Variants in NFATC3 observed in about 807,000 individuals in gnomAD.
NFATC3 encodes nuclear factor of activated T-cells, cytoplasmic 3.
In NFATC3, 46 loss-of-function variants were observed where a neutral mutation model predicts 98.6. That is an observed-to-expected ratio of 0.47 (90% CI 0.37 to 0.60). The LOEUF (loss-of-function observed/expected upper bound fraction) is 0.60. NFATC3 is among the 20% of genes least tolerant of loss of function. The pLI is 0.00. For missense variants in NFATC3, 1,256 were observed against 1,295.5 expected (o/e 0.97, Z 0.47); for synonymous variants, 512 against 472.2 (o/e 1.08, Z -1.09).
At chr16:68,220,770 A>G (rs1368349284) in intron 9 of NFATC3, among the ~76,000 whole-genome samples, 2 of 151,428 alleles carry the variant, frequency 1.3e-5, no homozygotes, top group South Asian at 2.1e-4. Flanking sequence ...AAAAAAAAAA[A>G]TAGCCAGGCA....
chr16:68,093,086 C>A (rs1425943691), intron 1 of NFATC3, among the ~76,000 whole-genome samples: 1 of 150,680 alleles, frequency 6.6e-6, no homozygotes, highest in Admixed American at 6.6e-5. Context: ...TGTGCTCCAC[C>A]ATTTTATATC....
chr16:68,194,739 A>C (rs1292409114), intron 9 of NFATC3, among the ~76,000 whole-genome samples: 1 of 152,214 alleles, frequency 6.6e-6, no homozygotes, highest in Non-Finnish European at 1.5e-5. Flanking sequence ...GCCCAAAGCT[A>C]GAACCTGCTC....
At chr16:68,146,883 A>G (rs1598441638) in intron 3 of NFATC3, among the ~76,000 whole-genome samples, 1 of 152,380 alleles carries the variant, frequency 6.6e-6, no homozygotes, top group South Asian at 2.1e-4. Context: ...TTTAGAGACT[A>G]GTGTTAACAG....
Position 68,191,783 on chromosome 16 carries a change from C to A in NFATC3, c.3106+8C>A. The A allele has an allele frequency of 6.2e-7, 1 of 1,613,900 alleles. No homozygotes were observed. Among genetic ancestry groups the A allele is most frequent in the South Asian group, 1.1e-5 (1 of 91,038 alleles). ...ACATCACTTTAGATGATGGTAAGTT[C>A]ATCTCTGATATGTTCTTGAAGTAGT... On this transcript the variant is annotated splice_region_variant and intron_variant, in intron 9 of 9. Coordinates refer to ENST00000346183, the MANE Select transcript of NFATC3 (RefSeq NM_173165.3).
At chr16:68,209,671 A>G (rs555763500) in intron 9 of NFATC3, 21 of 410,072 alleles carry the variant, frequency 5.1e-5, no homozygotes, top group African/African-American at 1.7e-4. Flanking sequence ...CACCAAATCA[A>G]CCTACTTAAG....
intron 9 of NFATC3, among the ~76,000 whole-genome samples, chr16:68,213,463 A>G (rs1230598266): frequency 6.6e-6 from 1 of 151,370 alleles, no homozygotes; most frequent in African/African-American, 2.4e-5. Flanking sequence ...TAAAAATTAA[A>G]AAAAAAATAC....
intron 7 of NFATC3, among the ~76,000 whole-genome samples, chr16:68,182,174 G>A (rs140898649): frequency 6.6e-6 from 1 of 152,258 alleles, no homozygotes; most frequent in African/African-American, 2.4e-5. Flanking sequence ...ATGGAAAAAT[G>A]AGAAAGAACA....
rs8048696 is a variant in NFATC3, at chr16:68,159,415, T to C, written c.1601+1347T>C. ...ATAGACCTTTCTTTCTTTTTTTTTTTTTTTTATATTTTTATTTATTTTTTT... is the reference window on the plus strand; with the variant it reads ...ATAGACCTTTCTTTCTTTTTTTTTTCTTTTTATATTTTTATTTATTTTTTT... On this transcript the variant is annotated intron_variant, in intron 4 of 9. Transcript: ENST00000346183. 6.3e-3 allele frequency among the ~76,000 whole-genome samples: 953 copies of C among 151,410 alleles called. 11 individuals carry two copies. Among genetic ancestry groups the C allele is most frequent in the African/African-American group, 0.022 (910 of 41,364 alleles).
At chr16:68,100,087 A>G (rs535297320) in intron 1 of NFATC3, among the ~76,000 whole-genome samples, 186 of 152,280 alleles carry the variant, frequency 1.2e-3, no homozygotes, top group Non-Finnish European at 2.1e-3. Context: ...GTTCCATCAT[A>G]TGGATGTACT....
chr16:68,183,500 A>T lies in NFATC3; in HGVS notation c.2098+134A>T, dbSNP rs560364185. On this transcript the variant is annotated intron_variant, in intron 8 of 9. Transcript: ENST00000346183. ...GAAAACACCAACAGATGCCCACTCTAAAGTTTTTGTTGACTTTAAATATTA... is the reference window on the plus strand; with the variant it reads ...GAAAACACCAACAGATGCCCACTCTTAAGTTTTTGTTGACTTTAAATATTA... 3 of 892,982 alleles carry T rather than the reference A, an allele frequency of 3.4e-6. No individual in the cohort carries two copies. The East Asian group carries it at 8.7e-5, about 26-fold the overall frequency. 55.3% of individuals were successfully genotyped at this position (892,982 alleles called of 1,614,324 possible). A position where few individuals can be genotyped will look rare whatever the true frequency, so the allele number is the denominator to read the frequency against.
At chr16:68,157,826 G>A (rs758964189) in intron 3 of NFATC3, 43 bp from the exon 4 acceptor site, 1 of 1,505,800 alleles carries the variant, frequency 6.6e-7, no homozygotes, top group Non-Finnish European at 9.2e-7. Context: ...TAAAATGCAT[G>A]GATAATGAAT....
intron 9 of NFATC3, among the ~76,000 whole-genome samples, chr16:68,220,860 A>C (rs1381715132): frequency 6.6e-6 from 1 of 151,344 alleles, no homozygotes; most frequent in Non-Finnish European, 1.5e-5. Flanking sequence ...CGGAGCTTGC[A>C]GTGAGCTGAG....
At chr16:68,118,197 G>A (rs2036390330) in intron 1 of NFATC3, among the ~76,000 whole-genome samples, 1 of 152,022 alleles carries the variant, frequency 6.6e-6, no homozygotes, top group Admixed American at 6.6e-5. Context: ...TTATCTTTCA[G>A]GTTTTAGCTT....
chr16:68,126,952 C>T (rs1247262638), intron 3 of NFATC3, among the ~76,000 whole-genome samples: 7 of 152,126 alleles, frequency 4.6e-5, no homozygotes, highest in East Asian at 1.9e-4. Flanking sequence ...CGGTGGCTCA[C>T]GCTTGTAATC....
At chr16:68,107,494 G>A (rs560099955) in intron 1 of NFATC3, among the ~76,000 whole-genome samples, 6 of 152,274 alleles carry the variant, frequency 3.9e-5, no homozygotes, top group Non-Finnish European at 7.4e-5. Context: ...GGGCCGGGGC[G>A]GGCGGATCAG....
In NFATC3 at chr16:68,228,294, T is replaced by C. The variant is rs2042074606; in HGVS notation, c.*1823T>C. ...GAATGTGGATAGTGAGATTTGCTTCTGGGCCTGTGGTTGGACGCCCACAGC... is the reference window on the plus strand; with the variant it reads ...GAATGTGGATAGTGAGATTTGCTTCCGGGCCTGTGGTTGGACGCCCACAGC... On this transcript the variant is annotated 3_prime_UTR_variant, in exon 10 of 10. Transcript: ENST00000346183. 6.6e-6 allele frequency: 1 copy of C among 152,234 alleles called. No individual in the cohort carries two copies. Among genetic ancestry groups the C allele is most frequent in the Non-Finnish European group, 1.5e-5 (1 of 68,048 alleles). 9.4% of individuals were successfully genotyped at this position (152,234 alleles called of 1,614,324 possible). A position where few individuals can be genotyped will look rare whatever the true frequency, so the allele number is the denominator to read the frequency against.
chr16:68,122,112 T>C lies in NFATC3; in HGVS notation c.229T>C (p.Ser77Pro). The part of the protein sequence containing the change: ...LPSHSSVLSP[S>P]FQLQSHKNYE... ...GTCTCACTCTTCTGTTTTGTCACCA[T>C]CGTTTCAGCTCCAAAGTCACAAAAA... Residue 77 changes from serine to proline, a missense_variant, in exon 2 of 10, where the codon TCG becomes CCG. Around this residue, in one of 3 missense-constraint regions of NFATC3, gnomAD observed 464 missense variants for 465.7 expected, o/e 1.00. Transcript: ENST00000346183. 6.2e-7 allele frequency: 1 copy of C among 1,614,160 alleles called. No homozygotes were observed. The highest frequency in any genetic ancestry group is 8.5e-7 in the Non-Finnish European group (1 of 1,180,032).
chr16:68,200,057 C>G (rs2040851671), intron 9 of NFATC3: 1 of 152,168 alleles, frequency 6.6e-6, no homozygotes, highest in South Asian at 2.1e-4. Context: ...TCTAATACCT[C>G]TAGATTAATT....
intron 9 of NFATC3, among the ~76,000 whole-genome samples, chr16:68,220,743 T>TAAAAAAAAAAATACA (rs1555524969): frequency 1.7e-5 from 2 of 115,026 alleles, no homozygotes; most frequent in Non-Finnish European, 3.6e-5. Flanking sequence ...CCGTCTCTAC[T>TAAAAAAAAAAATACA]AAAAAAAAAA....
Sources: gnomAD v4.1 joint callset for allele counts (sites outside exome capture counted in the v4.1 genomes callset) on GRCh38, gnomAD v4.1.1 for gene constraint, gnomAD v4.1.1 regional missense constraint, MANE v1.5 for transcripts, NCBI Gene and HGNC (gene_info 2026-07-23, HGNC 2026-07-21) for gene names.